ZNF221: variants seen among roughly 807,000 people sequenced by gnomAD.
ZNF221 encodes the protein zinc finger protein 221.
Under a neutral mutation model 12.6 loss-of-function variants are expected in ZNF221, and 10 were observed. The observed-to-expected ratio is 0.79, with a 90% CI of 0.49 to 1.34. ZNF221 has a LOEUF of 1.34. Ranked by LOEUF, ZNF221 falls within the 40% of genes most tolerant of loss-of-function variation. The pLI is 0.00. For missense variants in ZNF221, 661 were observed against 721.4 expected, an observed-to-expected ratio of 0.92 and a Z score of 0.96; for synonymous variants, 232 against 244.0, an observed-to-expected ratio of 0.95 and a Z score of 0.46.
intron 1 of ZNF221, among the ~76,000 whole-genome samples, chr19:43,953,060 G>A (rs2299937): frequency 0.1 from 15,873 of 151,872 alleles, 1,718 homozygotes; most frequent in East Asian, 0.26. Flanking sequence ...TCCACTTCCC[G>A]GGTTCAAGCG....
rs558734249 is a variant in ZNF221, at chr19:43,965,286, T to A, written c.262T>A (p.Trp88Arg). 3.8e-5 allele frequency: 62 copies of A among 1,613,840 alleles called. No individual in the cohort carries two copies. The South Asian group carries it at 6.0e-4, about 16-fold the overall frequency. Residue 88 changes from tryptophan to arginine, a missense_variant, in exon 4 of 5, where the codon TGG becomes AGG. Transcript: ENST00000587682. ...TFHFLGKEKF[W>R]KMKTTSQREG... ...CCACTTCTTAGGGAAGGAAAAGTTT[T>A]GGAAGATGAAGACAACAAGCCAAAG...
At chr19:43,978,452 T>C in the ZNF221 span, 2 of 152,178 alleles carry the variant, frequency 1.3e-5, no homozygotes, top group Non-Finnish European at 2.9e-5. Context: ...AAGATAATTA[T>C]TTGTAAAAGA....
intron 1 of ZNF221, among the ~76,000 whole-genome samples, chr19:43,957,924 C>T (rs1398340294): frequency 6.6e-6 from 1 of 152,174 alleles, no homozygotes; most frequent in African/African-American, 2.4e-5. Context: ...AAATCATTTC[C>T]TGTTCTATCC....
downstream of ZNF221, among the ~76,000 whole-genome samples, chr19:43,971,559 G>A (rs1485533742): frequency 6.6e-6 from 1 of 151,766 alleles, no homozygotes; most frequent in Non-Finnish European, 1.5e-5. Flanking sequence ...AGGGATGGAG[G>A]AAAATCTACC....
the ZNF221 span, chr19:43,978,634 C>T: frequency 6.6e-6 from 1 of 152,086 alleles, no homozygotes; most frequent in Non-Finnish European, 1.5e-5. Context: ...GAGTATTTGA[C>T]TCCCAATAAA....
At chr19:43,978,791 A>G in the ZNF221 span, 1 of 152,154 alleles carries the variant, frequency 6.6e-6, no homozygotes, top group South Asian at 2.1e-4. Context: ...TGGGTACATT[A>G]TTATAATTGG....
chr19:43,972,614 A>G (rs972299153), downstream of ZNF221, among the ~76,000 whole-genome samples: 30 of 152,060 alleles, frequency 2.0e-4, no homozygotes, highest in Admixed American at 1.6e-3. Flanking sequence ...AGAGAATATT[A>G]TAAACACCTC....
the ZNF221 span, among the ~76,000 whole-genome samples, chr19:43,980,048 A>G: frequency 6.6e-6 from 1 of 152,232 alleles, no homozygotes; most frequent in Non-Finnish European, 1.5e-5. Context: ...GAAGGACTAT[A>G]GTGGTATTTA....
intron 1 of ZNF221, among the ~76,000 whole-genome samples, chr19:43,958,143 T>C (rs1974785897): frequency 1.3e-5 from 2 of 152,238 alleles, no homozygotes; most frequent in Non-Finnish European, 2.9e-5. Flanking sequence ...GGTTTTACAA[T>C]TTGGCCCAGT....
Position 43,967,126 on chromosome 19 carries a change from G to A in ZNF221, c.1624G>A (p.Gly542Arg), listed in dbSNP as rs762249259. 2.5e-6 allele frequency: 4 copies of A among 1,594,892 alleles called. No homozygotes were observed. Among genetic ancestry groups the A allele is most frequent in the South Asian group, 1.1e-5 (1 of 89,036 alleles). ...ATACAAATGTGAGCAGTGTGAGAAG[G>A]GGTACAACAGTAAATTTAATCTTGA... ...KLYKCEQCEK[G>R]YNSKFNLDMH... The change falls in exon 5 of 5, where the codon GGG (glycine) becomes AGG (arginine). Residue 542 changes from glycine (G) to arginine (R), a missense_variant. By Grantham distance (125) the Gly-to-Arg change is moderately radical. Transcript: ENST00000587682.
At chr19:43,981,008 T>G in the ZNF221 span, among the ~76,000 whole-genome samples, 1 of 152,030 alleles carries the variant, frequency 6.6e-6, no homozygotes, top group African/African-American at 2.4e-5. Flanking sequence ...TTTACAAGGC[T>G]GAGGTGGGAG....
chr19:43,972,763 C>CAAAAAAAAAAAAAAAA, the ZNF221 span, among the ~76,000 whole-genome samples: 1 of 67,920 alleles, frequency 1.5e-5, no homozygotes, highest in African/African-American at 5.1e-5. Context: ...AATAGTCTAC[C>CAAAAAAAAAAAAAAAA]AAAAAAAAAA....
At chr19:43,952,073 C>T (rs1246916612) in intron 1 of ZNF221, among the ~76,000 whole-genome samples, 6 of 151,422 alleles carry the variant, frequency 4.0e-5, no homozygotes, top group African/African-American at 1.5e-4. Flanking sequence ...CGGGGTTTCA[C>T]CGTGTTAGCC....
At chr19:43,970,654 G>A (rs1193749166), downstream of ZNF221, among the ~76,000 whole-genome samples, 1 of 152,114 alleles carries the variant, frequency 6.6e-6, no homozygotes, top group Non-Finnish European at 1.5e-5. Flanking sequence ...ACCAAGAGGA[G>A]GAAAGAGACT....
chr19:43,956,692 A>G (rs1318619115), intron 1 of ZNF221, among the ~76,000 whole-genome samples: 1 of 152,244 alleles, frequency 6.6e-6, no homozygotes, highest in Non-Finnish European at 1.5e-5. Context: ...AGTAAATACA[A>G]CAAACTTATT....
downstream of ZNF221, among the ~76,000 whole-genome samples, chr19:43,972,695 AC>A (rs1975121303): frequency 6.6e-6 from 1 of 150,582 alleles, no homozygotes; most frequent in African/African-American, 2.4e-5. Flanking sequence ...CTAAGGCTGA[AC>A]CTGGAAGAAA....
the ZNF221 span, among the ~76,000 whole-genome samples, chr19:43,976,376 A>G: frequency 6.6e-6 from 1 of 152,158 alleles, no homozygotes; most frequent in Non-Finnish European, 1.5e-5. Context: ...CGTCTCTACT[A>G]AAAATACAAA....
At chr19:43,973,920 C>A in the ZNF221 span, among the ~76,000 whole-genome samples, 4 of 152,038 alleles carry the variant, frequency 2.6e-5, no homozygotes, top group Admixed American at 1.3e-4. Flanking sequence ...CATTTGGAAC[C>A]AAAGAATAGC....
chr19:43,963,917 G>A (rs1380756079), intron 2 of ZNF221, among the ~76,000 whole-genome samples: 2 of 152,158 alleles, frequency 1.3e-5, no homozygotes, highest in Non-Finnish European at 2.9e-5. Context: ...AGAGTGGGAA[G>A]TAGGTAAAAA....
Sources: gnomAD v4.1 joint callset for allele counts (sites outside exome capture counted in the v4.1 genomes callset) on GRCh38, gnomAD v4.1.1 for gene constraint, MANE v1.5 for transcripts, NCBI Gene and HGNC (gene_info 2026-07-23, HGNC 2026-07-21) for gene names.